The following HEMGN variants were observed in gnomAD, a reference collection of about 807,000 sequenced individuals.
HEMGN encodes the protein hemogen, also known as erythroid differentiation-associated gene protein.
Under a neutral mutation model 45.7 loss-of-function variants are expected in HEMGN, and 32 were observed. That is an observed-to-expected ratio of 0.70 (90% CI 0.53 to 0.94). The LOEUF is 0.94. Ranked by LOEUF, HEMGN falls within the 40% of genes least tolerant of loss-of-function variation. The probability of loss-of-function intolerance (pLI) is 0.00; values close to 1 mark genes in which losing one functional copy is unlikely to be tolerated. For synonymous variants in HEMGN, 183 were observed against 178.6 expected (o/e 1.02, Z -0.20); for missense variants, 530 against 564.2 (o/e 0.94, Z 0.61).
rs549218696 is a variant in HEMGN, at chr9:97,936,392, T to A, written c.80-128A>T. On this transcript the variant is annotated intron_variant, in intron 1 of 3. Transcript: ENST00000616898. ...TAGCTTTTTGAGGACAAGGACTGCA[T>A]CTCATTTATCCTTGTATCTCCAGAG... The A allele has an allele frequency of 6.0e-6, 4 of 664,844 alleles. No homozygotes were observed. In the East Asian group the frequency reaches 1.0e-4, roughly 17 times the overall value. The allele number at this position is 664,844 out of a possible 1,614,324, so 41.2% of individuals were successfully genotyped here. A position where few individuals can be genotyped will look rare whatever the true frequency, so the allele number is the denominator to read the frequency against.
chr9:97,938,027 A>C, intron 1 of HEMGN, 31 bp downstream of exon 1: 1 of 1,381,826 alleles, frequency 7.2e-7, no homozygotes, highest in Non-Finnish European at 1.0e-6. Context: ...TCTTCTCAAC[A>C]GCCACCAGCT....
At chr9:97,932,117 C>T (rs1177705085) in intron 2 of HEMGN, among the ~76,000 whole-genome samples, 5 of 152,124 alleles carry the variant, frequency 3.3e-5, no homozygotes, top group Non-Finnish European at 7.4e-5. Context: ...AAATGCTCTC[C>T]CAGCTTAGCA....
chr9:97,941,032 C>G (rs1172458154), upstream of HEMGN, among the ~76,000 whole-genome samples: 1 of 152,046 alleles, frequency 6.6e-6, no homozygotes, highest in Non-Finnish European at 1.5e-5. Context: ...CTTTATGAAA[C>G]CTACATTTTA....
chr9:97,943,901 C>T (rs1166124357), intron 1 of HEMGN, among the ~76,000 whole-genome samples: 1 of 152,042 alleles, frequency 6.6e-6, no homozygotes, highest in Non-Finnish European at 1.5e-5. Flanking sequence ...GCTTATAATT[C>T]CTCTGAGTAC....
At chr9:97,944,493 T>C (rs1259833301) in intron 1 of HEMGN, among the ~76,000 whole-genome samples, 2 of 152,144 alleles carry the variant, frequency 1.3e-5, no homozygotes, top group African/African-American at 4.8e-5. Flanking sequence ...GGGCCTCAAC[T>C]TCTCATTGGA....
chr9:97,927,396 A>G lies in HEMGN; in HGVS notation c.1443T>C (p.Tyr481=), dbSNP rs371593115. ...TGGTTGAGCATTGTTAAAACAAAAC[A>G]TAACTATAGACATCATTTTCTGGAT... The part of the protein sequence containing the change: ...ESHPENDVYS[Y]VLF The change falls in exon 4 of 4, where the codon TAT becomes TAC. Residue 481 remains tyrosine, a synonymous_variant. Transcript: ENST00000616898. 10 of 1,593,368 alleles carry G rather than the reference A, an allele frequency of 6.3e-6. No individual in the cohort carries two copies. The African/African-American group carries it at 8.0e-5, about 13-fold the overall frequency.
rs1291774867 is a variant in HEMGN, at chr9:97,931,103, C to A, written c.292G>T (p.Glu98Ter). The A allele has an allele frequency of 6.2e-7, 1 of 1,613,884 alleles. No homozygotes were observed. Among genetic ancestry groups the A allele is most frequent in the African/African-American group, 1.3e-5 (1 of 74,902 alleles). Reference sequence around the variant, plus strand: ...TTCTCTATAGGTGCCAGTGCTTTCTCCACTATTTCCTTTTCTATCTGTGGC... The same window carrying A: ...TTCTCTATAGGTGCCAGTGCTTTCTACACTATTTCCTTTTCTATCTGTGGC... ...PQPQIEKEIV[E>*]KALAPIEKKT... The change falls in exon 3 of 4, where the codon GAG (glutamate) becomes TAG (stop). Residue 98 changes from glutamate (E) to a stop codon, truncating the protein, a stop_gained. Coordinates refer to ENST00000616898, the MANE Select transcript of HEMGN (RefSeq NM_197978.3). LOFTEE classifies it high-confidence loss of function.
In HEMGN at chr9:97,936,261, A is replaced by G. The variant is rs750011388; in HGVS notation, c.83T>C (p.Val28Ala). 4 of 1,599,446 alleles carry G rather than the reference A, an allele frequency of 2.5e-6. No individual in the cohort carries two copies. The South Asian group carries it at 4.4e-5, about 18-fold the overall frequency. The change falls in exon 2 of 4, where the codon GTC becomes GCC. Residue 28 changes from valine (V) to alanine (A), a missense_variant. Physicochemically the swap from Val to Ala is moderately conservative, Grantham distance 64. Coordinates refer to ENST00000616898, the MANE Select transcript of HEMGN (RefSeq NM_197978.3). Reference sequence around the variant, plus strand: ...GTTTCTCAAACTCCAGGTTCCAATGACTTCTGTAATAAAATGAAAGTGATT... The same window carrying G: ...GTTTCTCAAACTCCAGGTTCCAATGGCTTCTGTAATAAAATGAAAGTGATT... ...PHQEENHSPE[V>A]IGTWSLRNRE...
intron 2 of HEMGN, among the ~76,000 whole-genome samples, chr9:97,934,354 G>GAA (rs1564122415): frequency 1.5e-4 from 22 of 149,268 alleles, no homozygotes; most frequent in Admixed American, 2.0e-4. Context: ...CTCAAAACGA[G>GAA]TGAATGAATG....
intron 1 of HEMGN, among the ~76,000 whole-genome samples, chr9:97,944,128 A>C (rs1012655327): frequency 1.3e-5 from 2 of 152,206 alleles, no homozygotes; most frequent in Non-Finnish European, 2.9e-5. Context: ...ATATACTTTT[A>C]GCTACTACCT....
upstream of HEMGN, among the ~76,000 whole-genome samples, chr9:97,942,668 A>G (rs1827169607): frequency 6.6e-6 from 1 of 152,042 alleles, no homozygotes; most frequent in African/African-American, 2.4e-5. Context: ...AGCAGGTGTA[A>G]GTATTGAGAA....
intron 2 of HEMGN, among the ~76,000 whole-genome samples, chr9:97,932,719 G>A (rs1009425368): frequency 1.3e-5 from 2 of 150,018 alleles, no homozygotes; most frequent in African/African-American, 2.4e-5. Context: ...CAAGAGAATC[G>A]CTTGAACCCA....
intron 2 of HEMGN, among the ~76,000 whole-genome samples, chr9:97,932,336 GT>G (rs1826969593): frequency 6.6e-6 from 1 of 151,982 alleles, no homozygotes; most frequent in Non-Finnish European, 1.5e-5. Flanking sequence ...TTTTGTGTAT[GT>G]TTGAAATTTC....
chr9:97,930,286 G>T lies in HEMGN; in HGVS notation c.1109C>A (p.Thr370Lys), dbSNP rs1269004076. 1 of 1,613,862 alleles carries T rather than the reference G, an allele frequency of 6.2e-7. No homozygotes were observed. The highest frequency in any genetic ancestry group is 1.7e-5 in the Admixed American group (1 of 60,004). The change falls in exon 3 of 4, where the codon ACG becomes AAG. Residue 370 changes from threonine (T) to lysine (K), a missense_variant. Transcript: ENST00000616898. The stretch of plus-strand genomic sequence containing the variant: ...TTCAAGCCCAGGTATTTCTTGATAC[G>T]TTTCAGGTGAATATTTTTCAGACCC... Reference protein sequence around the residue: ...TPGSEKYSPETYQEIPGLEEY... With the variant: ...TPGSEKYSPEKYQEIPGLEEY...
Position 97,943,661 on chromosome 9 carries a change from A to AGG in HEMGN, c.-56+1106_-56+1107insCC. ...ATGAGTGGTCATTTATCTGGGGAAG[A>AGG]GCAATTCTGGTCCCACCTTGAGCCT... On this transcript the variant is annotated intron_variant, in intron 1 of 4. Coordinates refer to the HEMGN transcript ENST00000259456. Among the ~76,000 whole-genome samples, 3 of 152,326 alleles carry AGG rather than the reference A, an allele frequency of 2.0e-5. No individual in the cohort carries two copies. The South Asian group carries it at 6.2e-4, about 32-fold the overall frequency.
chr9:97,929,424 G>A (rs1213167183), intron 3 of HEMGN, among the ~76,000 whole-genome samples: 1 of 152,182 alleles, frequency 6.6e-6, no homozygotes, highest in Non-Finnish European at 1.5e-5. Context: ...CTACAGTATT[G>A]TACAAAGAGA....
Position 97,938,078 on chromosome 9 carries a change from T to G in HEMGN, c.59A>C (p.Gln20Pro), listed in dbSNP as rs752482823. ...ATTACCTGGAGAATGGTTCTCTTCT[T>G]GATGAGGGTCAGGTGTCTGATGGTG... ...LKHHQTPDPH[Q>P]EENHSPEVIG... Residue 20 changes from glutamine to proline, a missense_variant, in exon 1 of 4, where the codon CAA becomes CCA. Physicochemically the swap from Gln to Pro is moderately conservative, Grantham distance 76. Coordinates refer to ENST00000616898, the MANE Select transcript of HEMGN (RefSeq NM_197978.3). 1 of 1,611,786 alleles carries G rather than the reference T, an allele frequency of 6.2e-7. No homozygotes were observed. The highest frequency in any genetic ancestry group is 1.3e-5 in the African/African-American group (1 of 74,860).
Position 97,930,259 on chromosome 9 carries a change from T to C in HEMGN, c.1136A>G (p.Glu379Gly). ...ETYQEIPGLE[E>G]YSPEIYQETS... is the part of the protein sequence containing the mutation. ...TTCTTGGTATATTTCAGGTGAATAT[T>C]CTTCAAGCCCAGGTATTTCTTGATA... Residue 379 changes from glutamate to glycine, a missense_variant, in exon 3 of 4, where the codon GAA becomes GGA. By Grantham distance (98) the Glu-to-Gly change is moderately conservative. Coordinates refer to ENST00000616898, the MANE Select transcript of HEMGN (RefSeq NM_197978.3). The C allele has an allele frequency of 6.2e-7, 1 of 1,614,200 alleles. No homozygotes were observed. Among genetic ancestry groups the C allele is most frequent in the Non-Finnish European group, 8.5e-7 (1 of 1,180,018 alleles).
chr9:97,938,435 C>G (rs2131557904), upstream of HEMGN: 1 of 263,592 alleles, frequency 3.8e-6, no homozygotes, highest in Middle Eastern at 1.2e-3. Flanking sequence ...GGCACAGCCT[C>G]TAGTCAGCAC....
Sources: gnomAD v4.1 joint callset for allele counts (sites outside exome capture counted in the v4.1 genomes callset) on GRCh38, gnomAD v4.1.1 for gene constraint, MANE v1.5 for transcripts, NCBI Gene and HGNC (gene_info 2026-07-23, HGNC 2026-07-21) for gene names.